Variants in TUSC3 observed in about 807,000 individuals in gnomAD.
TUSC3 encodes the protein tumor suppressor candidate 3.
Under a neutral mutation model 44.8 loss-of-function variants are expected in TUSC3, and 45 were observed. The observed-to-expected ratio is 1.00, with a 90% CI of 0.79 to 1.29. The LOEUF is 1.29. Among genes scored for constraint, TUSC3 ranks in the 50% most tolerant of loss-of-function variants. The probability of loss-of-function intolerance (pLI) is 0.00; values close to 1 mark genes in which losing one functional copy is unlikely to be tolerated. For synonymous variants in TUSC3, 212 were observed against 152.9 expected, an observed-to-expected ratio of 1.39 and a Z score of -2.85; for missense variants, 519 against 437.9, an observed-to-expected ratio of 1.19 and a Z score of -1.65.
At chr8:15,804,028 A>G in the TUSC3 span, among the ~76,000 whole-genome samples, 1 of 152,134 alleles carries the variant, frequency 6.6e-6, no homozygotes, top group East Asian at 1.9e-4. Flanking sequence ...ATGTGTCTTT[A>G]TAGTAGAATG....
chr8:15,627,121 G>C (rs1805546475), intron 2 of TUSC3, among the ~76,000 whole-genome samples: 1 of 152,206 alleles, frequency 6.6e-6, no homozygotes, highest in Non-Finnish European at 1.5e-5. Context: ...AGAGGATGGA[G>C]AGATGATGAG....
At chr8:15,556,890 G>C (rs1339006877) in intron 1 of TUSC3, among the ~76,000 whole-genome samples, 1 of 146,530 alleles carries the variant, frequency 6.8e-6, no homozygotes, top group African/African-American at 2.5e-5. Context: ...GTTCATTGTA[G>C]ATTCTGGATA....
At chr8:15,449,343 C>G (rs1213188950) in intron 1 of TUSC3, among the ~76,000 whole-genome samples, 1 of 152,156 alleles carries the variant, frequency 6.6e-6, no homozygotes, top group Admixed American at 6.5e-5. Context: ...TAGCATGGCT[C>G]AAGCGTGGAG....
chr8:15,762,903 A>C (rs1442726254), intron 10 of TUSC3, among the ~76,000 whole-genome samples: 2 of 84,430 alleles, frequency 2.4e-5, no homozygotes, highest in Non-Finnish European at 5.8e-5. Context: ...TACTGCTGAC[A>C]TTCTTCATGG....
chr8:15,462,503 C>G (rs1800359036), intron 1 of TUSC3, among the ~76,000 whole-genome samples: 1 of 152,052 alleles, frequency 6.6e-6, no homozygotes, highest in Non-Finnish European at 1.5e-5. Flanking sequence ...ATAGCCTCTA[C>G]ACAACGACTG....
chr8:15,838,328 AT>A, the TUSC3 span, among the ~76,000 whole-genome samples: 3 of 152,336 alleles, frequency 2.0e-5, no homozygotes, highest in Non-Finnish European at 2.9e-5. Flanking sequence ...CTTGGAAACC[AT>A]CCCAAATACT....
At chr8:15,775,224 T>G in the TUSC3 span, among the ~76,000 whole-genome samples, 1 of 152,116 alleles carries the variant, frequency 6.6e-6, no homozygotes, top group Non-Finnish European at 1.5e-5. Context: ...ACATAGTATA[T>G]CATTCCTTTT....
intron 1 of TUSC3, among the ~76,000 whole-genome samples, chr8:15,617,591 C>G (rs1194451310): frequency 6.6e-6 from 1 of 152,122 alleles, no homozygotes; most frequent in African/African-American, 2.4e-5. Context: ...ACTTGTTCAA[C>G]TATGGTGTAC....
chr8:15,534,780 A>G (rs1338472633), intron 2 of TUSC3, among the ~76,000 whole-genome samples: 1 of 152,236 alleles, frequency 6.6e-6, no homozygotes, highest in Non-Finnish European at 1.5e-5. Flanking sequence ...TGGTCAGAAC[A>G]AATGTATAGA....
At chr8:15,596,100 A>T (rs891896955) in intron 1 of TUSC3, among the ~76,000 whole-genome samples, 2 of 152,214 alleles carry the variant, frequency 1.3e-5, no homozygotes, top group African/African-American at 2.4e-5. Flanking sequence ...ATTTTCTCAG[A>T]ATGAGTTTAC....
At chr8:15,619,710 C>G (rs933845179) in intron 1 of TUSC3, among the ~76,000 whole-genome samples, 1 of 152,068 alleles carries the variant, frequency 6.6e-6, no homozygotes, top group African/African-American at 2.4e-5. Flanking sequence ...TGGGGTTCCA[C>G]TGTGTTAGCC....
At chr8:15,477,790 C>G (rs1800600800) in intron 1 of TUSC3, among the ~76,000 whole-genome samples, 2 of 152,026 alleles carry the variant, frequency 1.3e-5, no homozygotes, top group Non-Finnish European at 2.9e-5. Context: ...TTCATATAAG[C>G]TGTCAAAGAA....
intron 1 of TUSC3, among the ~76,000 whole-genome samples, chr8:15,595,727 A>G (rs998183079): frequency 1.4e-4 from 21 of 152,302 alleles, no homozygotes; most frequent in East Asian, 1.4e-3. Flanking sequence ...CTAGTGTAAT[A>G]CAATGTAGCA....
At chr8:15,530,903 C>G (rs1224688968) in intron 2 of TUSC3, among the ~76,000 whole-genome samples, 1 of 152,162 alleles carries the variant, frequency 6.6e-6, no homozygotes, top group Admixed American at 6.6e-5. Context: ...CCTTGTGTGT[C>G]TGTGTCCTTA....
chr8:15,839,323 C>T, the TUSC3 span, among the ~76,000 whole-genome samples: 1 of 151,916 alleles, frequency 6.6e-6, no homozygotes. Flanking sequence ...ATTTGACTTC[C>T]TCTTTTCCTA....
At chr8:15,499,905 A>G (rs1355036014) in intron 2 of TUSC3, among the ~76,000 whole-genome samples, 3 of 152,182 alleles carry the variant, frequency 2.0e-5, no homozygotes, top group Non-Finnish European at 4.4e-5. Context: ...CACATTCTGT[A>G]TTCTGTTTCT....
intron 1 of TUSC3, among the ~76,000 whole-genome samples, chr8:15,550,021 G>T (rs927847035): frequency 6.6e-6 from 1 of 151,702 alleles, no homozygotes; most frequent in Non-Finnish European, 1.5e-5. Flanking sequence ...GGTCATGATC[G>T]ATTGAGCAAG....
At chr8:15,793,516 G>A in the TUSC3 span, among the ~76,000 whole-genome samples, 2 of 152,046 alleles carry the variant, frequency 1.3e-5, no homozygotes, top group African/African-American at 2.4e-5. Context: ...CTTGTGTGAT[G>A]TTCCCTACAC....
intron 1 of TUSC3, among the ~76,000 whole-genome samples, chr8:15,575,749 A>G (rs748874453): frequency 6.6e-5 from 10 of 152,172 alleles, no homozygotes; most frequent in African/African-American, 9.7e-5. Context: ...CTTGGGTGAC[A>G]GAGTGAGACT....
Sources: allele counts gnomAD v4.1 joint callset (sites outside exome capture counted in the v4.1 genomes callset), GRCh38; gene constraint gnomAD v4.1.1; transcripts MANE v1.5; gene names NCBI Gene and HGNC (gene_info 2026-07-23, HGNC 2026-07-21).